The following TARBP1 variants were observed in gnomAD, a reference collection of about 807,000 sequenced individuals.
The protein encoded by TARBP1 is tRNA guanosine 2 -O-methyltransferase TARBP1, also known as tRNA (guanosine(18)-2'-O)-methyltransferase TARBP1.
A neutral mutation model predicts 178.6 loss-of-function variants in TARBP1; 144 were observed. The ratio of observed to expected loss-of-function variants is 0.81; its 90% CI spans 0.70 to 0.93. The LOEUF is 0.93. Among genes scored for constraint, TARBP1 ranks in the 40% least tolerant of loss-of-function variants. The pLI, the probability that TARBP1 is intolerant of heterozygous loss-of-function variation, is 0.00. For missense variants in TARBP1, 2,067 were observed against 2,011.7 expected (o/e 1.03, Z -0.53); for synonymous variants, 787 against 781.0 (o/e 1.01, Z -0.13).
At position 234,404,088 on chromosome 1, in the gene TARBP1, T is replaced by A. The variant is rs148595801; in HGVS notation, c.3989+1815A>T. 5.4e-3 allele frequency among the ~76,000 whole-genome samples: 819 copies of A among 152,356 alleles called. 4 individuals are homozygous for A. Among genetic ancestry groups the A allele is most frequent in the African/African-American group, 0.018 (734 of 41,578 alleles). ...TTTATTGCTTAATAAAAAATATGAC[T>A]GGAGCCAATTGCTTTTAGAAATCAA... On this transcript the variant is annotated intron_variant, in intron 24 of 29. Transcript: ENST00000040877.
chr1:234,392,631 T>C, intron 28 of TARBP1, 79 bp from the exon 29 acceptor site: 3 of 1,314,022 alleles, frequency 2.3e-6, no homozygotes, highest in South Asian at 1.3e-5. Flanking sequence ...AAAAAACGTA[T>C]TAACCTAAAC....
At chr1:234,398,153 T>C in intron 26 of TARBP1, 1 of 287,816 alleles carries the variant, frequency 3.5e-6, no homozygotes, top group Non-Finnish European at 6.2e-6. Context: ...AGATCAGGCT[T>C]CCTTTGGCTT....
At chr1:234,476,986 G>C (rs948624017) in intron 1 of TARBP1, among the ~76,000 whole-genome samples, 4 of 152,210 alleles carry the variant, frequency 2.6e-5, no homozygotes, top group African/African-American at 9.7e-5. Flanking sequence ...AGGAGTTTGA[G>C]GCCAGCCTGA....
intron 23 of TARBP1, 113 bp downstream of exon 23, chr1:234,410,332 G>C: frequency 1.6e-6 from 1 of 624,112 alleles, no homozygotes; most frequent in Non-Finnish European, 2.8e-6. Flanking sequence ...GCAGTGGAAA[G>C]GAAAGGGAAA....
intron 3 of TARBP1, among the ~76,000 whole-genome samples, chr1:234,469,992 C>G (rs1293418055): frequency 1.3e-5 from 2 of 152,194 alleles, no homozygotes; most frequent in Non-Finnish European, 2.9e-5. Flanking sequence ...ATTGGCCAGG[C>G]ACGGTGGCTC....
chr1:234,460,410 T>C lies in TARBP1; in HGVS notation c.1400-14A>G. 1 of 1,613,178 alleles carries C rather than the reference T, an allele frequency of 6.2e-7. No homozygotes were observed. Among genetic ancestry groups the C allele is most frequent in the Non-Finnish European group, 8.5e-7 (1 of 1,179,636 alleles). Reference sequence around the variant, plus strand: ...ATAGGAAGCTACCTGAAAGAAAAAGTTTTAAATTATCATTGTTGCCAATTA... The same window carrying C: ...ATAGGAAGCTACCTGAAAGAAAAAGCTTTAAATTATCATTGTTGCCAATTA... On this transcript the variant is annotated splice_polypyrimidine_tract_variant and intron_variant, in intron 6 of 29. Coordinates refer to ENST00000040877, the MANE Select transcript of TARBP1 (RefSeq NM_005646.4).
In TARBP1 at chr1:234,392,520, C is replaced by T; in HGVS notation, c.4593G>A (p.Gln1531=). The T allele has an allele frequency of 1.2e-6, 2 of 1,614,036 alleles. No homozygotes were observed. Among genetic ancestry groups the T allele is most frequent in the Non-Finnish European group, 1.7e-6 (2 of 1,179,958 alleles). The change falls in exon 29 of 30, where the codon CAG becomes CAA. Residue 1531 remains glutamine, a synonymous_variant. Transcript: ENST00000040877. ...TGGTATAACCTTCTGTTTTCTTCTG[C>T]TGCAGATAATCAATTAGCTGAGGTG... ...VKPPQLIDYL[Q]QKKTEGYTII... is the part of the protein sequence containing the mutation.
chr1:234,478,545 C>T lies in TARBP1; in HGVS notation c.559G>A (p.Ala187Thr). 1.5e-6 allele frequency: 2 copies of T among 1,356,962 alleles called. No individual in the cohort carries two copies. The highest frequency in any genetic ancestry group is 9.5e-7 in the Non-Finnish European group (1 of 1,052,396). The allele number at this position is 1,356,962 out of a possible 1,614,324, so 84.1% of individuals were successfully genotyped here. ...AGTCGCCCGGCCACCAGCGCCGCCG[C>T]GTCCTCGGCAGGCCCGGCCTCATCC... ...DGDEAGPAED[A>T]AALVAGRLLP... Residue 187 changes from alanine (A) to threonine (T), a missense_variant, in exon 1 of 30, where the codon GCG (alanine) becomes ACG (threonine). Coordinates refer to ENST00000040877, the MANE Select transcript of TARBP1 (RefSeq NM_005646.4).
rs761361261 is a variant in TARBP1 at position 234,453,495 on chromosome 1, T to A, written c.1723-2929A>T. On this transcript the variant is annotated intron_variant, in intron 9 of 29. Coordinates refer to ENST00000040877, the MANE Select transcript of TARBP1 (RefSeq NM_005646.4). ...ATGAGCCACCATGCCTGGCTGGAAC[T>A]CTCTGCACTTTGTTTAATTTTTCTG... 3.9e-4 allele frequency among the ~76,000 whole-genome samples: 59 copies of A among 152,062 alleles called. 1 individual carries two copies. The Middle Eastern group carries it at 0.024, about 61-fold the overall frequency.
At chr1:234,403,008 G>T (rs1003913107) in intron 24 of TARBP1, among the ~76,000 whole-genome samples, 1 of 152,002 alleles carries the variant, frequency 6.6e-6, no homozygotes, top group Non-Finnish European at 1.5e-5. Context: ...CCATTTCTCT[G>T]TCCCTCTACT....
chr1:234,471,864 T>C (rs1290827578), intron 2 of TARBP1, among the ~76,000 whole-genome samples: 2 of 151,966 alleles, frequency 1.3e-5, no homozygotes, highest in African/African-American at 2.4e-5. Context: ...ATTTAGCACA[T>C]ATAAGTAATT....
chr1:234,398,586 C>A, intron 25 of TARBP1, 33 bp from the exon 26 acceptor site: 1 of 1,466,924 alleles, frequency 6.8e-7, no homozygotes, highest in Non-Finnish European at 9.2e-7. Context: ...TAAATTTCTT[C>A]CCTTAAGAAT....
chr1:234,413,283 G>A (rs910855762), intron 22 of TARBP1, among the ~76,000 whole-genome samples: 24 of 152,260 alleles, frequency 1.6e-4, no homozygotes, highest in Middle Eastern at 3.4e-3. Flanking sequence ...AGGCCAAGGC[G>A]ACATGGTGAA....
At chr1:234,428,295 G>T (rs778471967) in intron 17 of TARBP1, among the ~76,000 whole-genome samples, 3 of 152,058 alleles carry the variant, frequency 2.0e-5, no homozygotes, top group Non-Finnish European at 2.9e-5. Flanking sequence ...CCAGAAACCA[G>T]CAAGACCTTT....
intron 23 of TARBP1, chr1:234,407,090 A>C (rs546511973): frequency 6.6e-6 from 1 of 152,344 alleles, no homozygotes; most frequent in South Asian, 2.1e-4. Flanking sequence ...ACATTTATCA[A>C]AGGTCAGTGA....
In TARBP1 at chr1:234,463,880, C is replaced by A; in HGVS notation, c.1356G>T (p.Lys452Asn). ...GAAGAGAAATATAAGTGACTAAAAACTTCTGTAATTTCAGTCCCAATGGAG... is the reference window on the plus strand; with the variant it reads ...GAAGAGAAATATAAGTGACTAAAAAATTCTGTAATTTCAGTCCCAATGGAG... Reference protein sequence around the residue: ...SCSPLGLKLQKFLVTYISLLP... With the variant: ...SCSPLGLKLQNFLVTYISLLP... Residue 452 changes from lysine to asparagine, a missense_variant, in exon 6 of 30, where the codon AAG (lysine) becomes AAT (asparagine). Physicochemically the swap from Lys to Asn is moderately conservative, Grantham distance 94. Coordinates refer to ENST00000040877, the MANE Select transcript of TARBP1 (RefSeq NM_005646.4). The A allele has an allele frequency of 1.3e-6, 2 of 1,598,746 alleles. No homozygotes were observed. The highest frequency in any genetic ancestry group is 1.7e-6 in the Non-Finnish European group (2 of 1,172,418).
intron 22 of TARBP1, among the ~76,000 whole-genome samples, chr1:234,411,224 C>T (rs1041016119): frequency 9.2e-5 from 14 of 152,060 alleles, no homozygotes; most frequent in African/African-American, 3.4e-4. Flanking sequence ...TGTATAACAG[C>T]GATTTACATA....
intron 26 of TARBP1, among the ~76,000 whole-genome samples, chr1:234,396,266 T>C (rs962156559): frequency 6.6e-6 from 1 of 152,136 alleles, no homozygotes; most frequent in Non-Finnish European, 1.5e-5. Flanking sequence ...GCCATCTCTC[T>C]TCCCTCTCCT....
At chr1:234,401,950 A>G (rs894496070) in intron 24 of TARBP1, among the ~76,000 whole-genome samples, 6 of 152,072 alleles carry the variant, frequency 3.9e-5, no homozygotes, top group Non-Finnish European at 7.4e-5. Flanking sequence ...TTCACTGTCA[A>G]GAGTCTCTCT....
Sources: gnomAD v4.1 joint callset for allele counts (sites outside exome capture counted in the v4.1 genomes callset) on GRCh38, gnomAD v4.1.1 for gene constraint, MANE v1.5 for transcripts, NCBI Gene and HGNC (gene_info 2026-07-23, HGNC 2026-07-21) for gene names.